SVOP: variants seen among roughly 807,000 people sequenced by gnomAD.
The protein encoded by SVOP is synaptic vesicle 2-related protein.
Under a neutral mutation model 69.1 loss-of-function variants are expected in SVOP, and 17 were observed. The ratio of observed to expected loss-of-function variants is 0.25; its 90% CI spans 0.17 to 0.37. The LOEUF is 0.37. SVOP is among the 10% of genes least tolerant of loss of function. SVOP has a pLI of 1.00. For synonymous variants in SVOP, 238 were observed against 238.6 expected (o/e 1.00, Z 0.02); for missense variants, 435 against 597.5 (o/e 0.73, Z 2.84).
intron 6 of SVOP, among the ~76,000 whole-genome samples, chr12:108,954,648 G>A (rs965206886): frequency 3.3e-5 from 5 of 152,036 alleles, no homozygotes; most frequent in South Asian, 4.1e-4. Flanking sequence ...CCTTGCAATC[G>A]CATCTGCTTA....
intron 6 of SVOP, among the ~76,000 whole-genome samples, chr12:108,958,101 T>C (rs973005473): frequency 2.6e-5 from 4 of 152,178 alleles, no homozygotes; most frequent in African/African-American, 9.7e-5. Context: ...TTTGCAATCT[T>C]TTATTGAAGA....
intron 1 of SVOP, among the ~76,000 whole-genome samples, chr12:109,009,755 G>C (rs2040330661): frequency 6.6e-6 from 1 of 152,070 alleles, no homozygotes; most frequent in Non-Finnish European, 1.5e-5. Flanking sequence ...TAGTCTCCTA[G>C]GGGCATCGGC....
chr12:108,980,625 C>T, intron 2 of SVOP, among the ~76,000 whole-genome samples: 1 of 98,576 alleles, frequency 1.0e-5, no homozygotes, highest in Middle Eastern at 5.4e-3. Context: ...TGGCGGGCGC[C>T]TGTAGTCCCA....
chr12:108,913,969 A>G (rs914070749), intron 15 of SVOP, among the ~76,000 whole-genome samples: 2 of 152,224 alleles, frequency 1.3e-5, no homozygotes, highest in Non-Finnish European at 2.9e-5. Context: ...CATTTGCCAA[A>G]TGGGCATAGA....
At chr12:108,999,466 T>C (rs1195664091) in intron 1 of SVOP, among the ~76,000 whole-genome samples, 1 of 141,880 alleles carries the variant, frequency 7.0e-6, no homozygotes, top group Non-Finnish European at 1.5e-5. Context: ...GCAGACCTAA[T>C]AGACATCTAC....
chr12:108,972,159 T>C (rs1328333251), intron 5 of SVOP, among the ~76,000 whole-genome samples: 1 of 151,410 alleles, frequency 6.6e-6, no homozygotes, highest in Non-Finnish European at 1.5e-5. Context: ...AGGAAATGGT[T>C]CTGGTCCAGG....
intron 11 of SVOP, among the ~76,000 whole-genome samples, chr12:108,928,788 G>A (rs144544664): frequency 0.027 from 4,089 of 151,968 alleles, 66 homozygotes; most frequent in Non-Finnish European, 0.041. Flanking sequence ...GGCTGGTCTC[G>A]AACTCCTGAG....
intron 5 of SVOP, among the ~76,000 whole-genome samples, chr12:108,961,882 T>A (rs976800846): frequency 7.9e-5 from 12 of 152,232 alleles, no homozygotes; most frequent in Admixed American, 7.2e-4. Flanking sequence ...CTTTTTCTCA[T>A]TAACAAGTTT....
At chr12:108,928,852 A>C (rs1338245388) in intron 11 of SVOP, among the ~76,000 whole-genome samples, 1 of 152,058 alleles carries the variant, frequency 6.6e-6, no homozygotes, top group African/African-American at 2.4e-5. Context: ...ACAGGCATGA[A>C]CCACCATGCC....
intron 1 of SVOP, among the ~76,000 whole-genome samples, chr12:109,012,175 C>G (rs2040345404): frequency 6.6e-6 from 1 of 151,892 alleles, no homozygotes; most frequent in South Asian, 2.1e-4. Flanking sequence ...CCCAGCTACT[C>G]AGGAGGCTGA....
intron 4 of SVOP, among the ~76,000 whole-genome samples, 200 bp downstream of exon 4, chr12:108,977,198 C>G (rs1318692368): frequency 6.6e-6 from 1 of 152,214 alleles, no homozygotes; most frequent in Non-Finnish European, 1.5e-5. Flanking sequence ...GGGACACCCT[C>G]CCAAGTAGCT....
chr12:108,926,218 G>T (rs1329576201), intron 11 of SVOP, among the ~76,000 whole-genome samples: 1 of 152,068 alleles, frequency 6.6e-6, no homozygotes, highest in Non-Finnish European at 1.5e-5. Context: ...CCACACCTGG[G>T]CTTGTTGCCA....
chr12:108,938,857 C>T lies in SVOP; in HGVS notation c.867G>A (p.Met289Ile), dbSNP rs765930887. 3 of 1,614,024 alleles carry T rather than the reference C, an allele frequency of 1.9e-6. No homozygotes were observed. Among genetic ancestry groups the T allele is most frequent in the Non-Finnish European group, 2.5e-6 (3 of 1,179,878 alleles). ...TGGAGATGATGAGTTTCCCCAGCGG[C>T]ATGGGAGCTCCGTTTTCAGTTGCTA... ...KRIATENGAP[M>I]PLGKLIISRQ... Residue 289 changes from methionine to isoleucine, a missense_variant, in exon 9 of 16, where the codon ATG (methionine) becomes ATA (isoleucine). By Grantham distance (10) the Met-to-Ile change is conservative. Transcript: ENST00000610966.
At chr12:108,969,535 C>A (rs1458603298) in intron 5 of SVOP, among the ~76,000 whole-genome samples, 1 of 151,962 alleles carries the variant, frequency 6.6e-6, no homozygotes, top group African/African-American at 2.4e-5. Flanking sequence ...CCATGTTGGT[C>A]AGGCTGGTCT....
intron 6 of SVOP, among the ~76,000 whole-genome samples, chr12:108,945,713 G>A (rs1052058586): frequency 1.3e-5 from 2 of 152,096 alleles, no homozygotes; most frequent in African/African-American, 4.8e-5. Flanking sequence ...CTCCCCAAGT[G>A]ATTCTCAAAT....
At chr12:108,952,421 A>C (rs541383573) in intron 6 of SVOP, among the ~76,000 whole-genome samples, 1 of 151,824 alleles carries the variant, frequency 6.6e-6, no homozygotes, top group South Asian at 2.1e-4. Flanking sequence ...TTTTTAGTAG[A>C]GATGGGGTTT....
intron 9 of SVOP, among the ~76,000 whole-genome samples, chr12:108,937,974 C>G (rs926590904): frequency 1.3e-5 from 2 of 152,292 alleles, no homozygotes; most frequent in East Asian, 3.9e-4. Flanking sequence ...GGCTTTCCCT[C>G]ATCCATGGAA....
chr12:108,985,312 AT>A (rs2040160870), intron 1 of SVOP, among the ~76,000 whole-genome samples: 3 of 70,368 alleles, frequency 4.3e-5, no homozygotes, highest in Non-Finnish European at 9.0e-5. Flanking sequence ...AGAGAAAGAA[AT>A]AAAAAAGGAA....
intron 7 of SVOP, among the ~76,000 whole-genome samples, chr12:108,943,851 C>T (rs981232102): frequency 6.8e-6 from 1 of 146,496 alleles, no homozygotes; most frequent in Non-Finnish European, 1.5e-5. Context: ...TCCTTCTTCT[C>T]CCTTCCTCTT....
Sources: gnomAD v4.1 joint callset for allele counts (sites outside exome capture counted in the v4.1 genomes callset) on GRCh38, gnomAD v4.1.1 for gene constraint, MANE v1.5 for transcripts, NCBI Gene and HGNC (gene_info 2026-07-23, HGNC 2026-07-21) for gene names.